LFNG: variants seen among roughly 807,000 people sequenced by gnomAD.
LFNG encodes the protein LFNG O-fucosylpeptide 3-beta-N-acetylglucosaminyltransferase, also known as beta-1,3-N-acetylglucosaminyltransferase lunatic fringe.
LFNG carries 15 observed loss-of-function variants against 32.7 expected under a neutral mutation model. That is an observed-to-expected ratio of 0.46 (90% confidence interval 0.31 to 0.71). The LOEUF is 0.71. Among genes scored for constraint, LFNG ranks in the 30% least tolerant of loss-of-function variants. The pLI, the probability that LFNG is intolerant of heterozygous loss-of-function variation, is 0.06. For missense variants in LFNG, 520 were observed against 545.7 expected (o/e 0.95, Z 0.47); for synonymous variants, 274 against 246.8 (o/e 1.11, Z -1.03).
At chr7:2,529,177 A>C, downstream of LFNG, 6 of 258,936 alleles carry the variant, frequency 2.3e-5, no homozygotes, top group Non-Finnish European at 3.7e-5. The surrounding 1 kb of genome is among the most constrained non-coding windows in gnomAD (Gnocchi z 4.2). Context: ...CCTTCCTCAA[A>C]TCCAGCCTTT....
Position 2,522,364 on chromosome 7 carries a change from G to A in LFNG, c.432+2071G>A, listed in dbSNP as rs987016624. On this transcript the variant is annotated intron_variant, in intron 1 of 7. Transcript: ENST00000222725. ...TGGAGTGGTGGCTGGGGGGAGGGTC[G>A]GTTGGTCAGCAGGGGCCGCGCTGAG... is the stretch of plus-strand genomic sequence containing the variant. 9.8e-5 allele frequency among the ~76,000 whole-genome samples: 15 copies of A among 152,326 alleles called. 2 individuals carry two copies. In the East Asian group the frequency reaches 2.5e-3, roughly 25 times the overall value.
Position 2,525,756 on chromosome 7 carries a change from G to A in LFNG, c.807G>A (p.Met269Ile). 6.2e-7 allele frequency: 1 copy of A among 1,612,018 alleles called. No individual in the cohort carries two copies. The highest frequency in any genetic ancestry group is 8.5e-7 in the Non-Finnish European group (1 of 1,179,948). The change falls in exon 5 of 8, where the codon ATG (methionine) becomes ATA (isoleucine). Residue 269 changes from methionine to isoleucine, a missense_variant. Met to Ile is a conservative substitution (Grantham distance 10). Around this residue, in one of 3 missense-constraint regions of LFNG, gnomAD observed 150 missense variants for 159.9 expected, o/e 0.94. Coordinates refer to ENST00000222725, the MANE Select transcript of LFNG (RefSeq NM_001040167.2). ...FCISRGLALK[M>I]SPWASGGHFM... ...TCAGCCGTGGGCTGGCTCTGAAGAT[G>A]AGCCCGTGGGCCAGGTGAGTGCCCT...
chr7:2,526,526 C>G lies in LFNG; in HGVS notation c.987+117C>G, dbSNP rs1233574204. 4.4e-6 allele frequency: 5 copies of G among 1,129,200 alleles called. No individual in the cohort carries two copies. The Admixed American group carries it at 5.9e-5, about 13-fold the overall frequency. 69.9% of individuals were successfully genotyped at this position (1,129,200 alleles called of 1,614,324 possible). On this transcript the variant is annotated intron_variant, in intron 6 of 7. Coordinates refer to ENST00000222725, the MANE Select transcript of LFNG (RefSeq NM_001040167.2). This position sits in a 1 kb window ranked among gnomAD's most constrained non-coding sequence, Gnocchi z 6.9. ...CTAAACAGGGAGGCCAGGCAGCACT[C>G]CACTGTCAGCCAGGGGGGGTCACTC...
chr7:2,515,179 C>G (rs1218395001), upstream of LFNG, among the ~76,000 whole-genome samples: 1 of 152,120 alleles, frequency 6.6e-6, no homozygotes, highest in East Asian at 1.9e-4. Flanking sequence ...TTCATCCATC[C>G]ATCCATCCGT....
upstream of LFNG, among the ~76,000 whole-genome samples, chr7:2,515,135 T>C (rs961678491): frequency 6.7e-6 from 1 of 149,900 alleles, no homozygotes; most frequent in African/African-American, 2.5e-5. Flanking sequence ...TCCATCTAAC[T>C]GTTCATCCAT....
At chr7:2,512,846 T>G in intron 1 of LFNG, 1 of 783,162 alleles carries the variant, frequency 1.3e-6, no homozygotes, top group Non-Finnish European at 2.2e-6. Flanking sequence ...CAGCCTCACC[T>G]CCATGAATGC....
chr7:2,520,121 A>G lies in LFNG; in HGVS notation c.260A>G (p.Asp87Gly). 2 of 1,353,278 alleles carry G rather than the reference A, an allele frequency of 1.5e-6. No individual in the cohort carries two copies. Among genetic ancestry groups the G allele is most frequent in the Non-Finnish European group, 1.9e-6 (2 of 1,043,440 alleles). 83.8% of individuals were successfully genotyped at this position (1,353,278 alleles called of 1,614,324 possible). A position where few individuals can be genotyped will look rare whatever the true frequency, so the allele number is the denominator to read the frequency against. Residue 87 changes from aspartate to glycine, a missense_variant, in exon 1 of 8, where the codon GAT (aspartate) becomes GGT (glycine). Around this residue, in one of 3 missense-constraint regions of LFNG, gnomAD observed 360 missense variants for 354.7 expected, o/e 1.01. Transcript: ENST00000222725. The surrounding 1 kb of genome is among the most constrained non-coding windows in gnomAD (Gnocchi z 5.0). ...YFSLLTRARR[D>G]AGPPPGAAPR... ...AGCCTGCTCACCCGCGCGCGCAGAG[A>G]TGCGGGCCCGCCGCCCGGGGCTGCC... is the stretch of plus-strand genomic sequence containing the variant.
upstream of LFNG, among the ~76,000 whole-genome samples, chr7:2,514,843 CATCCATCCATTCATCTGTCT>C (rs1779579510): frequency 6.7e-6 from 1 of 148,754 alleles, no homozygotes; most frequent in African/African-American, 2.5e-5. Context: ...TCCATCCATC[CATCCATCCATTCATCTGTCT>C]ATCCATCCAT....
At chr7:2,523,424 C>T (rs577502959) in intron 1 of LFNG, among the ~76,000 whole-genome samples, 4 of 152,344 alleles carry the variant, frequency 2.6e-5, no homozygotes, top group African/African-American at 9.6e-5. Context: ...CCAAGGTGTT[C>T]CAGGGCCTCT....
At chr7:2,523,844 C>G (rs1427463813) in intron 1 of LFNG, 1 of 152,386 alleles carries the variant, frequency 6.6e-6, no homozygotes, top group African/African-American at 2.4e-5. Flanking sequence ...CCCTGCTGAC[C>G]GTTGGCAACT....
At chr7:2,528,672 C>T (rs776714127), downstream of LFNG, among the ~76,000 whole-genome samples, 1 of 152,174 alleles carries the variant, frequency 6.6e-6, no homozygotes, top group Admixed American at 6.5e-5. Flanking sequence ...CCCTGTGCTT[C>T]CAGGAGGAAC....
downstream of LFNG, chr7:2,529,041 G>A (rs773562959): frequency 1.0e-4 from 44 of 429,614 alleles, no homozygotes; most frequent in African/African-American, 4.9e-4. The surrounding 1 kb of genome is among the most constrained non-coding windows in gnomAD (Gnocchi z 4.2). Flanking sequence ...CCCCGACCCC[G>A]CTCAGGGGTG....
At chr7:2,525,905 C>T in intron 5 of LFNG, 135 bp downstream of exon 5, 2 of 820,802 alleles carry the variant, frequency 2.4e-6, no homozygotes, top group Non-Finnish European at 4.0e-6. Flanking sequence ...TCCTATATTC[C>T]ACTTCCCTCT....
upstream of LFNG, chr7:2,517,550 G>A (rs535444160): frequency 1.6e-4 from 66 of 405,918 alleles, no homozygotes; most frequent in African/African-American, 1.3e-3. Flanking sequence ...CGCAGTCAGG[G>A]GTAGCTGGGG....
At chr7:2,513,979 T>G (rs1779550957), upstream of LFNG, among the ~76,000 whole-genome samples, 1 of 152,250 alleles carries the variant, frequency 6.6e-6, no homozygotes, top group African/African-American at 2.4e-5. Flanking sequence ...TGCTGTGGGC[T>G]TAAGGGTGTG....
At chr7:2,518,574 T>C, upstream of LFNG, 2 of 1,583,592 alleles carry the variant, frequency 1.3e-6, no homozygotes, top group Non-Finnish European at 1.7e-6. Context: ...GTCGCTGCTG[T>C]CTTGCGGCTG....
At position 2,520,242 on chromosome 7, in the gene LFNG, C is replaced by T. The variant is rs747382749; in HGVS notation, c.381C>T (p.Arg127=). Residue 127 remains arginine, a synonymous_variant, in exon 1 of 8, where the codon CGC becomes CGT. Transcript: ENST00000222725. This position sits in a 1 kb window ranked among gnomAD's most constrained non-coding sequence, Gnocchi z 5.0. ...TCAAGACCACCAAAAAGTTCCACCG[C>T]GCGCGCCTCGACCTGCTGCTGGAGA... ...IAVKTTKKFH[R]ARLDLLLETW... 8 of 1,610,202 alleles carry T rather than the reference C, an allele frequency of 5.0e-6. No homozygotes were observed. The highest frequency in any genetic ancestry group is 4.5e-5 in the East Asian group (2 of 44,496).
At chr7:2,528,481 C>G (rs900582931), downstream of LFNG, 29 of 973,238 alleles carry the variant, frequency 3.0e-5, no homozygotes, top group Non-Finnish European at 3.6e-5. Context: ...CCAGGGCAGC[C>G]AGGGTCAGGA....
upstream of LFNG, chr7:2,517,832 C>A (rs762169956): frequency 1.4e-5 from 17 of 1,222,106 alleles, no homozygotes; most frequent in Non-Finnish European, 1.8e-5. Context: ...GAATATCAGG[C>A]GGGACTTTAA....
Sources: gnomAD v4.1 joint callset for allele counts (sites outside exome capture counted in the v4.1 genomes callset) on GRCh38, gnomAD v4.1.1 for gene constraint, gnomAD v4.1.1 regional missense constraint, Gnocchi (gnomAD v3.1) non-coding constraint, MANE v1.5 for transcripts, NCBI Gene and HGNC (gene_info 2026-07-23, HGNC 2026-07-21) for gene names.